The following IL4R variants were observed in gnomAD, a reference collection of about 807,000 sequenced individuals.
The protein encoded by IL4R is interleukin-4 receptor subunit alpha.
A neutral mutation model predicts 41.5 loss-of-function variants in IL4R; 17 were observed. That is an observed-to-expected ratio of 0.41 (90% confidence interval 0.28 to 0.61). IL4R has a LOEUF of 0.61. Among genes scored for constraint, IL4R ranks in the 20% least tolerant of loss-of-function variants. The probability of loss-of-function intolerance (pLI) is 0.31; values close to 1 mark genes in which losing one functional copy is unlikely to be tolerated. For synonymous variants in IL4R, 402 were observed against 422.9 expected (o/e 0.95, Z 0.61); for missense variants, 974 against 1,043.1 (o/e 0.93, Z 0.91).
At chr16:27,316,904 A>G (rs1286853919) in intron 1 of IL4R, among the ~76,000 whole-genome samples, 2 of 121,716 alleles carry the variant, frequency 1.6e-5, no homozygotes, top group East Asian at 4.3e-4. Context: ...TTAAATGAAT[A>G]CCTTTTTTTT....
intron 1 of IL4R, among the ~76,000 whole-genome samples, chr16:27,314,387 G>T (rs2084567421): frequency 6.6e-6 from 1 of 152,266 alleles, no homozygotes; most frequent in African/African-American, 2.4e-5. Flanking sequence ...CAGGAAGTCA[G>T]TGAGGACTTC....
intron 1 of IL4R, among the ~76,000 whole-genome samples, chr16:27,322,048 A>G (rs2084826532): frequency 6.7e-6 from 1 of 148,828 alleles, no homozygotes; most frequent in Non-Finnish European, 1.5e-5. Context: ...CTAGAAATGT[A>G]TCTATTTGAT....
At chr16:27,315,801 AT>A (rs1319011974) in intron 1 of IL4R, among the ~76,000 whole-genome samples, 1 of 152,200 alleles carries the variant, frequency 6.6e-6, no homozygotes, top group African/African-American at 2.4e-5. Context: ...AACAATGCAG[AT>A]TCCTGGGCCC....
intron 9 of IL4R, among the ~76,000 whole-genome samples, chr16:27,359,602 CTG>C (rs2086210455): frequency 1.5e-5 from 1 of 64,798 alleles, no homozygotes; most frequent in African/African-American, 2.9e-5. Flanking sequence ...TCCAGGGACT[CTG>C]GAATCTAGTG....
chr16:27,323,299 G>A (rs1295611390), intron 1 of IL4R, among the ~76,000 whole-genome samples: 2 of 152,188 alleles, frequency 1.3e-5, no homozygotes, highest in South Asian at 2.1e-4. Flanking sequence ...TTCCTGCTCC[G>A]TCACCATCAC....
In IL4R at chr16:27,358,997, A is replaced by T. The variant is rs368634775; in HGVS notation, c.849+3A>T. Reference sequence around the variant, plus strand: ...CTATAATAATCCAGGATGCTCAGGTAGGAGTAGGCGTGGATGAGGACATGT... The same window carrying T: ...CTATAATAATCCAGGATGCTCAGGTTGGAGTAGGCGTGGATGAGGACATGT... On this transcript the variant is annotated splice_donor_region_variant and intron_variant, in intron 9 of 10. Transcript: ENST00000395762. 1 of 1,611,402 alleles carries T rather than the reference A, an allele frequency of 6.2e-7. No individual in the cohort carries two copies. The highest frequency in any genetic ancestry group is 1.3e-5 in the African/African-American group (1 of 74,868).
chr16:27,337,678 C>T (rs1285805136), intron 2 of IL4R, among the ~76,000 whole-genome samples: 2 of 151,498 alleles, frequency 1.3e-5, no homozygotes, highest in African/African-American at 4.9e-5. Flanking sequence ...CTCCTAGGCT[C>T]AAGCGATTTT....
chr16:27,335,320 G>T (rs1160021810), intron 2 of IL4R, among the ~76,000 whole-genome samples: 1 of 152,044 alleles, frequency 6.6e-6, no homozygotes, highest in Non-Finnish European at 1.5e-5. Context: ...AGTTTTGCAG[G>T]GAGTTACTTT....
intron 6 of IL4R, among the ~76,000 whole-genome samples, chr16:27,351,797 G>A (rs568127913): frequency 1.3e-5 from 2 of 152,244 alleles, no homozygotes; most frequent in East Asian, 1.9e-4. Context: ...TTACAGGCAT[G>A]AGCCACCATG....
intron 3 of IL4R, chr16:27,341,301 G>T (rs2085434778): frequency 1.6e-6 from 1 of 615,912 alleles, no homozygotes; most frequent in African/African-American, 1.8e-5. Context: ...GCAGAAGGAT[G>T]CCAGAAGAGA....
rs907951146 is a variant in IL4R at position 27,344,907 on chromosome 16, G to A, written c.248G>A (p.Gly83Glu). 11 of 1,614,096 alleles carry A rather than the reference G, an allele frequency of 6.8e-6. No homozygotes were observed. The highest frequency in any genetic ancestry group is 1.3e-5 in the African/African-American group (1 of 74,942). ...TCIPENNGGA[G>E]CVCHLLMDDV... ...ATCCCTGAGAACAACGGAGGCGCGG[G>A]GTGCGTGTGCCACCTGCTCATGGAT... The change falls in exon 5 of 11, where the codon GGG (glycine) becomes GAG (glutamate). Residue 83 changes from glycine (G) to glutamate (E), a missense_variant. This residue lies in a region of IL4R where 284 missense variants were observed against 313.4 expected (regional missense o/e 0.91). Transcript: ENST00000395762.
chr16:27,335,866 T>C (rs145301880), intron 2 of IL4R, among the ~76,000 whole-genome samples: 65 of 152,280 alleles, frequency 4.3e-4, no homozygotes, highest in African/African-American at 1.5e-3. Context: ...AAGGGCATTA[T>C]TGAGGCAATT....
At chr16:27,337,787 T>C (rs1020787676) in intron 2 of IL4R, among the ~76,000 whole-genome samples, 2 of 151,392 alleles carry the variant, frequency 1.3e-5, no homozygotes, top group South Asian at 2.1e-4. Context: ...TTTCACCATG[T>C]TGGCCAGGCT....
chr16:27,360,676 C>T (rs928720193), intron 9 of IL4R, 90 bp from the exon 10 acceptor site: 119 of 1,506,926 alleles, frequency 7.9e-5, no homozygotes, highest in Non-Finnish European at 9.5e-5. Flanking sequence ...TGTGTGATGT[C>T]GAGGCTTGTA....
intron 1 of IL4R, among the ~76,000 whole-genome samples, chr16:27,317,295 A>T (rs1351519926): frequency 1.3e-5 from 2 of 152,154 alleles, no homozygotes; most frequent in African/African-American, 4.8e-5. Flanking sequence ...AGACCCGGAG[A>T]TGAATGCAGT....
In IL4R at chr16:27,340,998, C is replaced by G. The variant is rs972928474; in HGVS notation, c.70+725C>G. 3 of 515,088 alleles carry G rather than the reference C, an allele frequency of 5.8e-6. No homozygotes were observed. The Admixed American group carries it at 7.4e-5, about 13-fold the overall frequency. The allele number at this position is 515,088 out of a possible 1,614,324, so 31.9% of individuals were successfully genotyped here. On this transcript the variant is annotated intron_variant, in intron 3 of 10. Coordinates refer to ENST00000395762, the MANE Select transcript of IL4R (RefSeq NM_000418.4). ...GGAGCAGTGAAGGTCAGCAAGGTGA[C>G]AGAGTGGCTGAATCAAAAAAGACCT...
At chr16:27,340,108 G>A (rs2085392819) in intron 2 of IL4R, 78 bp from the exon 3 acceptor site, 1 of 872,734 alleles carries the variant, frequency 1.1e-6, no homozygotes, top group Non-Finnish European at 1.9e-6. Context: ...GCCAGGGCAG[G>A]GGAGGGTTGC....
intron 1 of IL4R, among the ~76,000 whole-genome samples, chr16:27,326,918 C>T (rs940443629): frequency 8.5e-5 from 13 of 152,132 alleles, no homozygotes; most frequent in African/African-American, 1.2e-4. Context: ...GGGCCACCGA[C>T]GTGGCTGCCA....
intron 6 of IL4R, among the ~76,000 whole-genome samples, chr16:27,348,727 T>C (rs898890149): frequency 2.6e-5 from 4 of 152,062 alleles, no homozygotes; most frequent in Non-Finnish European, 5.9e-5. Context: ...AGGGTGCTGG[T>C]GGAGGGCCCT....
Sources: allele counts gnomAD v4.1 joint callset (sites outside exome capture counted in the v4.1 genomes callset), GRCh38; gene constraint gnomAD v4.1.1; regional missense constraint gnomAD v4.1.1; transcripts MANE v1.5; gene names NCBI Gene and HGNC (gene_info 2026-07-23, HGNC 2026-07-21).